Variants in IGSF9B observed in about 807,000 individuals in gnomAD.
The protein encoded by IGSF9B is protein turtle homolog B.
In IGSF9B, 48 loss-of-function variants were observed where a neutral mutation model predicts 143.7. The ratio of observed to expected loss-of-function variants is 0.33; its 90% confidence interval spans 0.26 to 0.42. The LOEUF (loss-of-function observed/expected upper bound fraction) is 0.42. Among genes scored for constraint, IGSF9B ranks in the 20% least tolerant of loss-of-function variants. IGSF9B has a pLI of 1.00. For synonymous variants in IGSF9B, 903 were observed against 833.1 expected (o/e 1.08, Z -1.44); for missense variants, 1,706 against 1,980.0 (o/e 0.86, Z 2.63).
At chr11:133,922,854 C>A in intron 15 of IGSF9B, 124 bp from the exon 16 acceptor site, 1 of 856,686 alleles carries the variant, frequency 1.2e-6, no homozygotes, top group Non-Finnish European at 1.8e-6. Flanking sequence ...GCTCGGGCTC[C>A]AAGCTGAACT....
intron 6 of IGSF9B, 41 bp from the exon 7 acceptor site, chr11:133,935,803 G>A (rs1341881118): frequency 1.3e-6 from 2 of 1,596,640 alleles, no homozygotes; most frequent in Non-Finnish European, 1.7e-6. Flanking sequence ...GCGAGCAGAA[G>A]GGGATCTTGC....
intron 4 of IGSF9B, 58 bp from the exon 5 acceptor site, chr11:133,937,551 C>G (rs1358622692): frequency 1.4e-5 from 19 of 1,373,522 alleles, no homozygotes; most frequent in Non-Finnish European, 2.0e-5. Flanking sequence ...CGCTGCTACC[C>G]TCAAACACGG....
intron 18 of IGSF9B, chr11:133,919,132 G>GGGA: frequency 5.3e-6 from 2 of 377,752 alleles, no homozygotes; most frequent in South Asian, 1.8e-5. Flanking sequence ...GGGGGGGTGG[G>GGGA]GGACGTGTCC....
chr11:133,941,777 G>A (rs1426225701), intron 3 of IGSF9B, among the ~76,000 whole-genome samples: 3 of 152,114 alleles, frequency 2.0e-5, no homozygotes, highest in Non-Finnish European at 4.4e-5. Context: ...TGAATGCGCC[G>A]CTCTCCTCGC....
At chr11:133,918,861 C>T (rs914123092) in intron 18 of IGSF9B, among the ~76,000 whole-genome samples, 1 of 149,926 alleles carries the variant, frequency 6.7e-6, no homozygotes, top group African/African-American at 2.5e-5. Context: ...ACTACAGAGG[C>T]GTGGCCGGCT....
At chr11:133,935,842 C>T (rs1258544195) in intron 6 of IGSF9B, 80 bp from the exon 7 acceptor site, 1 of 1,538,094 alleles carries the variant, frequency 6.5e-7, no homozygotes, top group African/African-American at 1.4e-5. Context: ...GTCACTGCCC[C>T]AGATGTGGCA....
intron 4 of IGSF9B, 51 bp downstream of exon 4, chr11:133,937,758 TG>T: frequency 6.3e-7 from 1 of 1,581,152 alleles, no homozygotes; most frequent in Non-Finnish European, 8.6e-7. Flanking sequence ...GAGGCTGCCC[TG>T]GGGAAACGGG....
At chr11:133,924,775 G>T in intron 15 of IGSF9B, 45 bp downstream of exon 15, 1 of 1,499,642 alleles carries the variant, frequency 6.7e-7, no homozygotes, top group Non-Finnish European at 9.3e-7. Flanking sequence ...GCAGCTCTGG[G>T]GCTTATGTCC....
At position 133,929,846 on chromosome 11, in the gene IGSF9B, G is replaced by C; in HGVS notation, c.1520-64C>G. 1.1e-5 allele frequency: 12 copies of C among 1,101,388 alleles called. 1 individual carries two copies. The highest frequency in any genetic ancestry group is 1.7e-5 in the Non-Finnish European group (12 of 723,236). The allele number at this position is 1,101,388 out of a possible 1,614,324, so 68.2% of individuals were successfully genotyped here. On this transcript the variant is annotated intron_variant, in intron 11 of 19. Transcript: ENST00000533871. ...TCAGCCACGTGGCTGGGTGCCCACC[G>C]TCTGGCTGTGGGGAACCTGAGAGGC...
intron 1 of IGSF9B, among the ~76,000 whole-genome samples, 170 bp downstream of exon 1, chr11:133,956,521 C>G (rs1348681341): frequency 1.1e-4 from 1 of 9,488 alleles, no homozygotes; most frequent in Non-Finnish European, 1.9e-4. Context: ...CCCTCCCCGG[C>G]AATGCTCCCG....
In IGSF9B at chr11:133,946,050, C is replaced by T; in HGVS notation, c.262+11G>A. On this transcript the variant is annotated intron_variant, in intron 2 of 19. Transcript: ENST00000533871. ...GGGGAAGGTGCGGGAGACCGGGTGCCCAGACCTTACCTGCATACTCAGGGT... is the reference window on the plus strand; with the variant it reads ...GGGGAAGGTGCGGGAGACCGGGTGCTCAGACCTTACCTGCATACTCAGGGT... 6.5e-7 allele frequency: 1 copy of T among 1,539,332 alleles called. No individual in the cohort carries two copies. Among genetic ancestry groups the T allele is most frequent in the East Asian group, 2.4e-5 (1 of 41,944 alleles).
Position 133,909,679 on chromosome 11 carries a change from T to C in IGSF9B, c.4106-402A>G, listed in dbSNP as rs988066790. 1.3e-5 allele frequency among the ~76,000 whole-genome samples: 2 copies of C among 152,216 alleles called. No individual in the cohort carries two copies. Among genetic ancestry groups the C allele is most frequent in the African/African-American group, 4.8e-5 (2 of 41,456 alleles). On this transcript the variant is annotated intron_variant, in intron 19 of 19. Coordinates refer to ENST00000533871, the MANE Select transcript of IGSF9B (RefSeq NM_001277285.4). The surrounding 1 kb of genome is among the most constrained non-coding windows in gnomAD (Gnocchi z 4.2). ...CTGCCCCAAGCAATGACCGACTTTA[T>C]ACAAGATTTTAATCGCATGCAACGG... is the stretch of plus-strand genomic sequence containing the variant.
chr11:133,937,739 C>T, intron 4 of IGSF9B, 71 bp downstream of exon 4: 1 of 1,522,632 alleles, frequency 6.6e-7, no homozygotes, highest in Middle Eastern at 1.7e-4. Context: ...CAGGGGTCGG[C>T]TGCAGTAGGA....
rs1387966006 is a variant in IGSF9B at position 133,904,396 on chromosome 11, AAAG to A, written c.*4670_*4672del. Among the ~76,000 whole-genome samples the A allele has an allele frequency of 6.6e-6, 1 of 152,206 alleles. No individual in the cohort carries two copies. The highest frequency in any genetic ancestry group is 1.5e-5 in the Non-Finnish European group (1 of 68,038). ...AACAAATGAAGTTGAAATACAATAT[AAAG>A]AAGATGTCCATGTTTGGTTTGGGCA... On this transcript the variant is annotated 3_prime_UTR_variant, in exon 20 of 20. Coordinates refer to ENST00000533871, the MANE Select transcript of IGSF9B (RefSeq NM_001277285.4).
Position 133,925,749 on chromosome 11 carries a change from T to A in IGSF9B, c.2024A>T (p.Asp675Val). The A allele has an allele frequency of 1.2e-6, 2 of 1,613,166 alleles. No individual in the cohort carries two copies. The highest frequency in any genetic ancestry group is 1.3e-5 in the African/African-American group (1 of 74,998). Residue 675 changes from aspartate to valine, a missense_variant, in exon 14 of 20, where the codon GAT (aspartate) becomes GTT (valine). Physicochemically the swap from Asp to Val is radical, Grantham distance 152. Coordinates refer to ENST00000533871, the MANE Select transcript of IGSF9B (RefSeq NM_001277285.4). ...GAGCAAAGCCCTCACCTGTGACAGA[T>A]CCTTGGCAAAGAACTCTCCTTCGGT... ...PGTEGEFFAK[D>V]LSQDTWYEFR...
rs375569334 is a variant in IGSF9B, at chr11:133,956,826, G to A, written c.-72C>T. ...CCGCGCCCGCACGCGCCTCGCGCCC[G>A]AGCGCCCGCCTCGCGCCCGCCTCGC... On this transcript the variant is annotated 5_prime_UTR_variant, in exon 1 of 20. Coordinates refer to ENST00000533871, the MANE Select transcript of IGSF9B (RefSeq NM_001277285.4). 3 of 993,392 alleles carry A rather than the reference G, an allele frequency of 3.0e-6. No individual in the cohort carries two copies. The highest frequency in any genetic ancestry group is 4.1e-6 in the Non-Finnish European group (3 of 740,500). 61.5% of individuals were successfully genotyped at this position (993,392 alleles called of 1,614,324 possible).
At chr11:133,912,033 A>G (rs900711082) in intron 18 of IGSF9B, 26 bp from the exon 19 acceptor site, 4 of 1,503,740 alleles carry the variant, frequency 2.7e-6, no homozygotes, top group African/African-American at 1.4e-5. Context: ...AGAGAGCCAC[A>G]ATTCAGCTCC....
intron 18 of IGSF9B, among the ~76,000 whole-genome samples, chr11:133,918,886 G>C (rs1378797884): frequency 2.0e-5 from 3 of 151,814 alleles, no homozygotes; most frequent in Non-Finnish European, 4.4e-5. Context: ...CGAACCCAAA[G>C]GCGATGGTGA....
In IGSF9B at chr11:133,924,883, C is replaced by G. The variant is rs574990325; in HGVS notation, c.2056G>C (p.Val686Leu). ...ATCAGATCCTGCATGACGGCCAGAA[C>G]CCGGAACTCATACCACGTGTCCTGC... ...LSQDTWYEFRVLAVMQDLISE... is the reference protein window; with the variant it reads ...LSQDTWYEFRLLAVMQDLISE... The change falls in exon 15 of 20, where the codon GTT (valine) becomes CTT (leucine). Residue 686 changes from valine (V) to leucine (L), a missense_variant. Physicochemically the swap from Val to Leu is conservative, Grantham distance 32 (BLOSUM62 1). Coordinates refer to ENST00000533871, the MANE Select transcript of IGSF9B (RefSeq NM_001277285.4). The G allele has an allele frequency of 1.9e-6, 3 of 1,613,768 alleles. No homozygotes were observed. Among genetic ancestry groups the G allele is most frequent in the African/African-American group, 1.3e-5 (1 of 75,006 alleles).
Sources: gnomAD v4.1 joint callset for allele counts (sites outside exome capture counted in the v4.1 genomes callset) on GRCh38, gnomAD v4.1.1 for gene constraint, Gnocchi (gnomAD v3.1) non-coding constraint, MANE v1.5 for transcripts, NCBI Gene and HGNC (gene_info 2026-07-23, HGNC 2026-07-21) for gene names.